FBRS: variants seen among roughly 807,000 people sequenced by gnomAD.
FBRS encodes probable fibrosin-1.
FBRS carries 15 observed loss-of-function variants against 86.1 expected under a neutral mutation model. The observed-to-expected ratio is 0.17, with a 90% CI of 0.12 to 0.27. The LOEUF (loss-of-function observed/expected upper bound fraction) is 0.27. Among genes scored for constraint, FBRS ranks in the 10% least tolerant of loss-of-function variants. The pLI, the probability that FBRS is intolerant of heterozygous loss-of-function variation, is 1.00. For synonymous variants in FBRS, 666 were observed against 575.8 expected (o/e 1.16, Z -2.24); for missense variants, 1,367 against 1,301.6 (o/e 1.05, Z -0.77).
intron 6 of FBRS, chr16:30,663,154 CATG>C (rs931618392): frequency 2.8e-6 from 1 of 358,258 alleles, no homozygotes; most frequent in African/African-American, 2.1e-5. Context: ...GAAATGCTGA[CATG>C]ATGGTTAAGA....
chr16:30,666,252 A>C (rs919001918), intron 11 of FBRS: 6 of 588,320 alleles, frequency 1.0e-5, no homozygotes, highest in Non-Finnish European at 1.8e-5. Context: ...TCTCTGAGAA[A>C]CCTGTCCTGC....
In FBRS at chr16:30,667,300, T is replaced by G. The variant is rs1345286004; in HGVS notation, c.1876-20T>G. The G allele has an allele frequency of 6.6e-7, 1 of 1,523,022 alleles. No individual in the cohort carries two copies. Among genetic ancestry groups the G allele is most frequent in the Non-Finnish European group, 8.9e-7 (1 of 1,125,744 alleles). The allele number at this position is 1,523,022 out of a possible 1,614,324, so 94.3% of individuals were successfully genotyped here. The stretch of plus-strand genomic sequence containing the variant: ...AGACTGGCTCCTCATGTACTGCCCC[T>G]CTCCCTGTGTCCCACACAGGGTGAC... On this transcript the variant is annotated intron_variant, in intron 13 of 17. Transcript: ENST00000356166.
chr16:30,661,725 T>C (rs1038312299), intron 4 of FBRS, among the ~76,000 whole-genome samples: 6 of 152,150 alleles, frequency 3.9e-5, no homozygotes, highest in Non-Finnish European at 5.9e-5. Flanking sequence ...CACTAAATCA[T>C]TGTAGTCAGT....
chr16:30,661,786 T>C (rs994967076), intron 4 of FBRS, among the ~76,000 whole-genome samples: 2 of 152,180 alleles, frequency 1.3e-5, no homozygotes, highest in East Asian at 3.8e-4. Flanking sequence ...TAGGGGCGAT[T>C]TGCTTGTTGT....
chr16:30,668,773 C>T lies in FBRS; in HGVS notation c.2160C>T (p.Asn720=). 1 of 1,600,574 alleles carries T rather than the reference C, an allele frequency of 6.2e-7. No individual in the cohort carries two copies. The highest frequency in any genetic ancestry group is 1.7e-4 in the Middle Eastern group (1 of 6,048). Residue 720 remains asparagine, a splice_region_variant and synonymous_variant, in exon 17 of 18, where the codon AAC becomes AAT. Transcript: ENST00000356166. ...AFGGLGSPTF[N]SGAVFAQKES... is the part of the protein sequence containing the mutation. The stretch of plus-strand genomic sequence containing the variant: ...CTCTCTGCTTCACCCTCTGCCCAGA[C>T]TCCGGCGCCGTCTTTGCCCAGAAAG...
Position 30,666,997 on chromosome 16 carries a change from G to A in FBRS, c.1875+7G>A. 6.2e-7 allele frequency: 1 copy of A among 1,603,316 alleles called. No homozygotes were observed. Among genetic ancestry groups the A allele is most frequent in the Non-Finnish European group, 8.5e-7 (1 of 1,175,092 alleles). ...ACACCAGGAGAAAATGAAGGTACTG[G>A]GGCCGGAGGGCTGGGGAGAGTGGGT... On this transcript the variant is annotated splice_region_variant and intron_variant, in intron 13 of 17. Transcript: ENST00000356166.
In FBRS at chr16:30,666,643, A is replaced by G; in HGVS notation, c.1803+102A>G. On this transcript the variant is annotated intron_variant, in intron 12 of 17. Coordinates refer to ENST00000356166, the MANE Select transcript of FBRS (RefSeq NM_001105079.3). ...TACAAATAAGTGAGAAGCCCAGAACATGGAGGCAGCCAGATGTGGAACAGC... is the reference window on the plus strand; with the variant it reads ...TACAAATAAGTGAGAAGCCCAGAACGTGGAGGCAGCCAGATGTGGAACAGC... The G allele has an allele frequency of 4.5e-6, 7 of 1,563,328 alleles. No individual in the cohort carries two copies. The Middle Eastern group carries it at 5.0e-4, about 112-fold the overall frequency.
At position 30,665,731 on chromosome 16, in the gene FBRS, G is replaced by A. The variant is rs2052515572; in HGVS notation, c.1773+25G>A. Reference sequence around the variant, plus strand: ...GGTGAGGGGGCCAGGGCAGGTCCTGGGGGAGCTGGAAGGTGTGTTGCGGGG... The same window carrying A: ...GGTGAGGGGGCCAGGGCAGGTCCTGAGGGAGCTGGAAGGTGTGTTGCGGGG... On this transcript the variant is annotated intron_variant, in intron 11 of 17. Coordinates refer to ENST00000356166, the MANE Select transcript of FBRS (RefSeq NM_001105079.3). The surrounding 1 kb of genome is among the most constrained non-coding windows in gnomAD (Gnocchi z 4.1). 1 of 1,563,206 alleles carries A rather than the reference G, an allele frequency of 6.4e-7. No individual in the cohort carries two copies. The highest frequency in any genetic ancestry group is 8.7e-7 in the Non-Finnish European group (1 of 1,153,046).
In FBRS at chr16:30,664,222, C is replaced by T. The variant is rs1287316142; in HGVS notation, c.1063C>T (p.Arg355Trp). Residue 355 changes from arginine (R) to tryptophan (W), a missense_variant, in exon 7 of 18, where the codon CGG becomes TGG. Physicochemically the swap from Arg to Trp is moderately radical, Grantham distance 101 (BLOSUM62 -3). This residue lies in a region of FBRS where 702 missense variants were observed against 598.7 expected (regional missense o/e 1.17). Coordinates refer to ENST00000356166, the MANE Select transcript of FBRS (RefSeq NM_001105079.3). ...SLDLSTGSSS[R>W]PPPKAPAPPV... ...CCCCACTTCTCTCCCCAGCTCTTCA[C>T]GGCCGCCCCCCAAGGCCCCGGCCCC... 7.7e-6 allele frequency: 11 copies of T among 1,420,824 alleles called. No homozygotes were observed. The highest frequency in any genetic ancestry group is 5.4e-5 in the East Asian group (2 of 37,146). 88.0% of individuals were successfully genotyped at this position (1,420,824 alleles called of 1,614,324 possible).
In FBRS at chr16:30,664,806, C is replaced by T. The variant is rs960805168; in HGVS notation, c.1449C>T (p.Pro483=). 2 of 1,557,704 alleles carry T rather than the reference C, an allele frequency of 1.3e-6. No homozygotes were observed. Among genetic ancestry groups the T allele is most frequent in the African/African-American group, 1.4e-5 (1 of 73,162 alleles). The stretch of plus-strand genomic sequence containing the variant: ...TGGGGGCAGGGGGCTCGGCCCGGCC[C>T]CTGGCCTTCCAGTTCCACCAGCACA... ...EVVGAGGSAR[P]LAFQFHQHNH... is the part of the protein sequence containing the mutation. The change falls in exon 8 of 18, where the codon CCC becomes CCT. Residue 483 remains proline (P), a synonymous_variant. Transcript: ENST00000356166.
rs1286103791 is a variant in FBRS, at chr16:30,669,286, C to T, written c.2584C>T (p.Pro862Ser). 1.9e-6 allele frequency: 3 copies of T among 1,575,868 alleles called. No homozygotes were observed. Among genetic ancestry groups the T allele is most frequent in the South Asian group, 2.3e-5 (2 of 87,932 alleles). The part of the protein sequence containing the change: ...PQGLHLLFER[P>S]RPPPFLGPSP... Reference sequence around the variant, plus strand: ...GGGCCTTCACCTGCTGTTTGAGAGGCCCCGGCCGCCCCCGTTTCTGGGCCC... The same window carrying T: ...GGGCCTTCACCTGCTGTTTGAGAGGTCCCGGCCGCCCCCGTTTCTGGGCCC... Residue 862 changes from proline to serine, a missense_variant, in exon 18 of 18, where the codon CCC (proline) becomes TCC (serine). Coordinates refer to ENST00000356166, the MANE Select transcript of FBRS (RefSeq NM_001105079.3). This position sits in a 1 kb window ranked among gnomAD's most constrained non-coding sequence, Gnocchi z 5.9.
Position 30,669,030 on chromosome 16 carries a change from C to A in FBRS, c.2367-39C>A. 6.3e-7 allele frequency: 1 copy of A among 1,577,730 alleles called. No homozygotes were observed. The highest frequency in any genetic ancestry group is 2.3e-5 in the East Asian group (1 of 43,240). ...TGCCCCACCCTCAGCCCCTGCTGCC[C>A]CTGGAGAACTTCATTCTCTCCCCAC... On this transcript the variant is annotated intron_variant, in intron 17 of 17. Coordinates refer to ENST00000356166, the MANE Select transcript of FBRS (RefSeq NM_001105079.3). This position sits in a 1 kb window ranked among gnomAD's most constrained non-coding sequence, Gnocchi z 5.9.
intron 2 of FBRS, 42 bp from the exon 3 acceptor site, chr16:30,661,138 C>T (rs1351931338): frequency 5.8e-6 from 9 of 1,549,782 alleles, no homozygotes; most frequent in Non-Finnish European, 7.8e-6. Context: ...CCAGCTGCCT[C>T]AGCAGCCGCC....
chr16:30,661,319 G>A lies in FBRS; in HGVS notation c.691G>A (p.Asp231Asn). The A allele has an allele frequency of 6.4e-7, 1 of 1,550,822 alleles. No individual in the cohort carries two copies. The part of the protein sequence containing the change: ...EAGYICDAES[D>N]LDERVSDDDL... ...TTCTCCCCAGTGTGACGCGGAAAGT[G>A]ATCTGGACGAGAGGGTGAGTGGGGC... Residue 231 changes from aspartate (D) to asparagine (N), a missense_variant, in exon 4 of 18, where the codon GAT becomes AAT. Physicochemically the swap from Asp to Asn is conservative, Grantham distance 23. Coordinates refer to ENST00000356166, the MANE Select transcript of FBRS (RefSeq NM_001105079.3).
In FBRS at chr16:30,666,987, G is replaced by T; in HGVS notation, c.1872G>T (p.Met624Ile). The T allele has an allele frequency of 6.2e-7, 1 of 1,608,244 alleles. No individual in the cohort carries two copies. Among genetic ancestry groups the T allele is most frequent in the South Asian group, 1.1e-5 (1 of 89,822 alleles). ...AYMILRHQEK[M>I]KGDSHKLDFR... ...TGATCCTGAGACACCAGGAGAAAAT[G>T]AAGGTACTGGGGCCGGAGGGCTGGG... is the stretch of plus-strand genomic sequence containing the variant. Residue 624 changes from methionine (M) to isoleucine (I), a missense_variant, in exon 13 of 18, where the codon ATG (methionine) becomes ATT (isoleucine). Coordinates refer to ENST00000356166, the MANE Select transcript of FBRS (RefSeq NM_001105079.3).
chr16:30,661,300 C>A lies in FBRS; in HGVS notation c.676-4C>A. ...GTGACACCTCTGTCTTTCCTTCTCC[C>A]CAGTGTGACGCGGAAAGTGATCTGG... is the stretch of plus-strand genomic sequence containing the variant. On this transcript the variant is annotated splice_region_variant and splice_polypyrimidine_tract_variant and intron_variant, in intron 3 of 17. Coordinates refer to ENST00000356166, the MANE Select transcript of FBRS (RefSeq NM_001105079.3). 6.4e-7 allele frequency: 1 copy of A among 1,550,716 alleles called. No individual in the cohort carries two copies. Among genetic ancestry groups the A allele is most frequent in the Non-Finnish European group, 8.7e-7 (1 of 1,147,020 alleles).
rs1410572489 is a variant in FBRS, at chr16:30,667,345, G to A, written c.1901G>A (p.Arg634Gln). The change falls in exon 14 of 18, where the codon CGG (arginine) becomes CAG (glutamine). Residue 634 changes from arginine to glutamine, a missense_variant. This residue lies in a region of FBRS where 659 missense variants were observed against 678.8 expected (regional missense o/e 0.97). Transcript: ENST00000356166. The stretch of plus-strand genomic sequence containing the variant: ...GGTGACTCCCACAAGCTTGACTTTC[G>A]GAATGACCTCCTGCCCTGCCTTCCG... Reference protein sequence around the residue: ...MKGDSHKLDFRNDLLPCLPGP... With the variant: ...MKGDSHKLDFQNDLLPCLPGP... 12 of 1,553,752 alleles carry A rather than the reference G, an allele frequency of 7.7e-6. No homozygotes were observed. The highest frequency in any genetic ancestry group is 7.1e-5 in the South Asian group (6 of 84,098).
chr16:30,664,316 C>A lies in FBRS; in HGVS notation c.1157C>A (p.Ser386Tyr). Reference protein sequence around the residue: ...SSSSSSASSSSAQLTHRPPTP... With the variant: ...SSSSSSASSSYAQLTHRPPTP... ...TCCTCCTCATCTGCCTCCTCCTCGT[C>A]CGCGCAGCTCACCCACCGGCCCCCG... Residue 386 changes from serine (S) to tyrosine (Y), a missense_variant, in exon 7 of 18, where the codon TCC (serine) becomes TAC (tyrosine). By Grantham distance (144) the Ser-to-Tyr change is moderately radical. Around this residue, in one of 3 missense-constraint regions of FBRS, gnomAD observed 702 missense variants for 598.7 expected, o/e 1.17. Transcript: ENST00000356166. The A allele has an allele frequency of 6.5e-7, 1 of 1,543,148 alleles. No homozygotes were observed. Among genetic ancestry groups the A allele is most frequent in the South Asian group, 1.2e-5 (1 of 83,410 alleles).
At position 30,659,638 on chromosome 16, in the gene FBRS, C is replaced by G. The variant is rs1395355102; in HGVS notation, c.120C>G (p.Gly40=). The G allele has an allele frequency of 1.6e-5, 7 of 437,074 alleles. No homozygotes were observed. The highest frequency in any genetic ancestry group is 2.3e-5 in the Non-Finnish European group (6 of 255,520). The allele number at this position is 437,074 out of a possible 1,614,324, so 27.1% of individuals were successfully genotyped here. The change falls in exon 1 of 18, where the codon GGC becomes GGG. Residue 40 remains glycine (G), a synonymous_variant. Coordinates refer to ENST00000356166, the MANE Select transcript of FBRS (RefSeq NM_001105079.3). ...DREQRRRRGP[G]GDAPRALLAA... ...AGCAGCGGCGCCGCCGAGGTCCAGG[C>G]GGCGACGCGCCCCGGGCCCTGTTGG...
Sources: gnomAD v4.1 joint callset for allele counts (sites outside exome capture counted in the v4.1 genomes callset) on GRCh38, gnomAD v4.1.1 for gene constraint, gnomAD v4.1.1 regional missense constraint, Gnocchi (gnomAD v3.1) non-coding constraint, MANE v1.5 for transcripts, NCBI Gene and HGNC (gene_info 2026-07-23, HGNC 2026-07-21) for gene names.